SAMD5: variants seen among roughly 807,000 people sequenced by gnomAD.
The protein encoded by SAMD5 is sterile alpha motif domain-containing protein 5.
SAMD5 carries 13 observed loss-of-function variants against 11.3 expected under a neutral mutation model. The ratio of observed to expected loss-of-function variants is 1.15; its 90% CI spans 0.75 to 1.83. The LOEUF is 1.83. SAMD5 is among the 40% of genes most tolerant of loss of function. SAMD5 has a pLI of 0.00. For missense variants in SAMD5, 255 were observed against 239.1 expected, an observed-to-expected ratio of 1.07 and a Z score of -0.44; for synonymous variants, 129 against 111.3, an observed-to-expected ratio of 1.16 and a Z score of -1.00.
the SAMD5 span, among the ~76,000 whole-genome samples, chr6:147,790,770 T>TTCTCTCTCTCTCTCTCTCTCTCTC: frequency 3.4e-5 from 3 of 88,210 alleles, no homozygotes; most frequent in East Asian, 3.4e-4. Context: ...CTCTCTCTCT[T>TTCTCTCTCTCTCTCTCTCTCTCTC]TCTCTCTCTC....
At chr6:147,649,819 G>A (rs1000562038) in intron 1 of SAMD5, among the ~76,000 whole-genome samples, 3 of 151,324 alleles carry the variant, frequency 2.0e-5, no homozygotes, top group African/African-American at 7.3e-5. Flanking sequence ...GTACCAACAG[G>A]TGGAAAAAAG....
chr6:147,629,858 C>T (rs1020216842), intron 1 of SAMD5, among the ~76,000 whole-genome samples: 9 of 152,132 alleles, frequency 5.9e-5, no homozygotes, highest in Admixed American at 1.3e-4. Flanking sequence ...ACCCTTTGAA[C>T]CTTCAGCAGT....
At chr6:147,617,714 C>T (rs1344451254) in intron 1 of SAMD5, among the ~76,000 whole-genome samples, 5 of 152,264 alleles carry the variant, frequency 3.3e-5, no homozygotes, top group South Asian at 2.1e-4. Context: ...TCTGGGAATG[C>T]GCACAGGGCT....
At chr6:147,645,876 A>G (rs563333847) in intron 1 of SAMD5, among the ~76,000 whole-genome samples, 1 of 152,330 alleles carries the variant, frequency 6.6e-6, no homozygotes, top group Non-Finnish European at 1.5e-5. Context: ...ATCTAATGAA[A>G]TACATCCACG....
the SAMD5 span, among the ~76,000 whole-genome samples, chr6:147,795,836 A>C: frequency 6.6e-6 from 1 of 151,694 alleles, no homozygotes; most frequent in African/African-American, 2.4e-5. Flanking sequence ...GCATTTTTTC[A>C]TGTGTTTTTT....
chr6:147,631,388 C>T (rs1790148571), intron 1 of SAMD5, among the ~76,000 whole-genome samples: 1 of 152,126 alleles, frequency 6.6e-6, no homozygotes, highest in African/African-American at 2.4e-5. Flanking sequence ...GGGCTCTATC[C>T]TTGACAGAGT....
At chr6:147,890,143 G>A in the SAMD5 span, among the ~76,000 whole-genome samples, 1 of 151,944 alleles carries the variant, frequency 6.6e-6, no homozygotes. Context: ...AAAGACAAAC[G>A]TGAGATTGAG....
At chr6:147,816,301 A>AAAAAAAAAAAAATATATATATATAT in the SAMD5 span, among the ~76,000 whole-genome samples, 3 of 66,352 alleles carry the variant, frequency 4.5e-5, no homozygotes, top group Non-Finnish European at 7.1e-5. Context: ...AAAAAAAAAA[A>AAAAAAAAAAAAATATATATATATAT]ATATATATAT....
At position 147,585,482 on chromosome 6, in the gene SAMD5, A is replaced by G. The variant is rs145345960; in HGVS notation, c.162+76095A>G. ...GTACTGACTCTTACGAACTCTATGT[A>G]ATGGGCAAGAACTTAGTAATGGGAA... On this transcript the variant is annotated intron_variant, in intron 1 of 1. Transcript: ENST00000566741. Among the ~76,000 whole-genome samples, 360 of 152,282 alleles carry G rather than the reference A, an allele frequency of 2.4e-3. 2 individuals are homozygous for G. The highest frequency in any genetic ancestry group is 0.017 in the Middle Eastern group (5 of 294).
the SAMD5 span, among the ~76,000 whole-genome samples, chr6:147,750,572 A>G: frequency 6.6e-6 from 1 of 152,168 alleles, no homozygotes; most frequent in Admixed American, 6.5e-5. Flanking sequence ...GCTTTAGACC[A>G]GGCTTCTCAC....
At chr6:147,533,306 A>C (rs1788457478) in intron 1 of SAMD5, among the ~76,000 whole-genome samples, 1 of 151,886 alleles carries the variant, frequency 6.6e-6, no homozygotes, top group African/African-American at 2.4e-5. Flanking sequence ...AGAGCATTTA[A>C]GAAACCAAGG....
chr6:147,869,672 A>G, the SAMD5 span, among the ~76,000 whole-genome samples: 1 of 152,206 alleles, frequency 6.6e-6, no homozygotes, highest in Non-Finnish European at 1.5e-5. Context: ...GTATTTTATC[A>G]TCTCCACTTG....
chr6:147,645,756 A>T (rs1236013960), intron 1 of SAMD5, among the ~76,000 whole-genome samples: 1 of 152,156 alleles, frequency 6.6e-6, no homozygotes, highest in African/African-American at 2.4e-5. Context: ...AGTTGGTCCT[A>T]TGCAGCTCTA....
the SAMD5 span, among the ~76,000 whole-genome samples, chr6:147,761,738 G>A: frequency 6.6e-6 from 1 of 152,022 alleles, no homozygotes; most frequent in East Asian, 1.9e-4. Context: ...TTTTGAGACG[G>A]AGTCTCACTC....
rs114735525 is a variant in SAMD5 at position 147,544,063 on chromosome 6, T to G, written c.460-20331T>G. ...AAATACTTCCTAAGGTGGCATAACA[T>G]TTTTATAAGAAAATTGTTGGGCTTG... is the stretch of plus-strand genomic sequence containing the variant. On this transcript the variant is annotated intron_variant, in intron 1 of 1. Transcript: ENST00000367474. Among the ~76,000 whole-genome samples the G allele has an allele frequency of 2.4e-3, 360 of 152,314 alleles. 2 individuals are homozygous for G. Among genetic ancestry groups the G allele is most frequent in the African/African-American group, 8.0e-3 (333 of 41,580 alleles).
At chr6:147,555,136 A>G (rs1414160909) in intron 1 of SAMD5, among the ~76,000 whole-genome samples, 1 of 152,222 alleles carries the variant, frequency 6.6e-6, no homozygotes, top group Non-Finnish European at 1.5e-5. Flanking sequence ...ATGTTTATTA[A>G]ATCTCCACCT....
the SAMD5 span, among the ~76,000 whole-genome samples, chr6:147,810,337 G>A: frequency 6.6e-6 from 1 of 152,174 alleles, no homozygotes; most frequent in Non-Finnish European, 1.5e-5. Context: ...GGGATGTCAT[G>A]TATCTTCCAG....
At chr6:147,807,948 T>C in the SAMD5 span, among the ~76,000 whole-genome samples, 1 of 152,202 alleles carries the variant, frequency 6.6e-6, no homozygotes, top group African/African-American at 2.4e-5. Context: ...TATCATATTT[T>C]AGTGGTGTAT....
At chr6:147,853,348 T>G in the SAMD5 span, among the ~76,000 whole-genome samples, 4 of 151,952 alleles carry the variant, frequency 2.6e-5, no homozygotes, top group Non-Finnish European at 5.9e-5. Flanking sequence ...TGCTTTGGGC[T>G]CCTTTGAAAC....
Sources: allele counts gnomAD v4.1 joint callset (sites outside exome capture counted in the v4.1 genomes callset), GRCh38; gene constraint gnomAD v4.1.1; transcripts MANE v1.5; gene names NCBI Gene and HGNC (gene_info 2026-07-23, HGNC 2026-07-21).